Variants in RNF213 observed in about 807,000 individuals in gnomAD.
The protein encoded by RNF213 is ring finger protein 213, also known as E3 ubiquitin-protein ligase RNF213.
RNF213 carries 341 observed loss-of-function variants against 514.4 expected under a neutral mutation model. The observed-to-expected ratio is 0.66, with a 90% CI of 0.61 to 0.73. The LOEUF is 0.73. RNF213 is among the 30% of genes least tolerant of loss of function. The pLI, the probability that RNF213 is intolerant of heterozygous loss-of-function variation, is 0.00. For missense variants in RNF213, 5,767 were observed against 6,615.6 expected (o/e 0.87, Z 4.45); for synonymous variants, 2,655 against 2,658.2 (o/e 1.00, Z 0.04).
In RNF213 at chr17:80,287,989, C is replaced by T; in HGVS notation, c.436C>T (p.Gln146Ter). ...AGCCCAGCAGAGTGGCCCCACTGGC[C>T]AGCCGAGCCAGCCCCCAGGCACAGC... The part of the protein sequence containing the change: ...SQAQQSGPTG[Q>*]PSQPPGTATT... The change falls in exon 4 of 68, where the codon CAG becomes TAG. Residue 146 changes from glutamine to a stop codon, truncating the protein, a stop_gained. Transcript: ENST00000582970. LOFTEE classifies it high-confidence loss of function. The T allele has an allele frequency of 1.3e-6, 2 of 1,579,724 alleles. No individual in the cohort carries two copies. Among genetic ancestry groups the T allele is most frequent in the Non-Finnish European group, 1.7e-6 (2 of 1,163,624 alleles).
chr17:80,391,516 C>A (rs1025146349), intron 67 of RNF213, among the ~76,000 whole-genome samples: 3 of 152,072 alleles, frequency 2.0e-5, no homozygotes, highest in African/African-American at 7.2e-5. Context: ...AAGTGATTCA[C>A]AAGCTTTGGC....
Position 80,385,053 on chromosome 17 carries a change from G to C in RNF213, c.14337G>C (p.Arg4779Ser). ...CCCTTCTCCAGGAAGCAGAGCTGAG[G>C]CTGGTAAAGTTCCTGCCTGAGATTT... Reference protein sequence around the residue: ...WHFLQKEAELRLVKFLPEILA... With the variant: ...WHFLQKEAELSLVKFLPEILA... Residue 4779 changes from arginine (R) to serine (S), a missense_variant, in exon 60 of 68, where the codon AGG becomes AGC. Physicochemically the swap from Arg to Ser is moderately radical, Grantham distance 110. Transcript: ENST00000582970. 6.2e-7 allele frequency: 1 copy of C among 1,614,188 alleles called. No individual in the cohort carries two copies. The highest frequency in any genetic ancestry group is 8.5e-7 in the Non-Finnish European group (1 of 1,180,042).
At position 80,288,305 on chromosome 17, in the gene RNF213, C is replaced by G. The variant is rs1321693250; in HGVS notation, c.752C>G (p.Ser251Cys). Residue 251 changes from serine to cysteine, a missense_variant, in exon 4 of 68, where the codon TCT (serine) becomes TGT (cysteine). Physicochemically the swap from Ser to Cys is moderately radical, Grantham distance 112. Coordinates refer to ENST00000582970, the MANE Select transcript of RNF213 (RefSeq NM_001256071.3). This position sits in a 1 kb window ranked among gnomAD's most constrained non-coding sequence, Gnocchi z 4.9. ...TTGCCTGAGTCAAAAGGAGGCAGCT[C>G]TGAGCCCGGGACAGAACTGCAGACC... is the stretch of plus-strand genomic sequence containing the variant. ...LLLPESKGGS[S>C]EPGTELQTTE... 2 of 1,613,078 alleles carry G rather than the reference C, an allele frequency of 1.2e-6. No individual in the cohort carries two copies. The highest frequency in any genetic ancestry group is 3.3e-5 in the Admixed American group (2 of 60,022).
At chr17:80,307,283 C>G in intron 13 of RNF213, 82 bp downstream of exon 13, 1 of 1,187,702 alleles carries the variant, frequency 8.4e-7, no homozygotes, top group Non-Finnish European at 1.3e-6. Flanking sequence ...GGCCGTGACC[C>G]ACATGTGCTG....
Position 80,364,425 on chromosome 17 carries a change from T to C in RNF213, c.11751-8T>C, listed in dbSNP as rs776498192. The C allele has an allele frequency of 1.4e-5, 23 of 1,613,906 alleles. No homozygotes were observed. Among genetic ancestry groups the C allele is most frequent in the Non-Finnish European group, 1.9e-5 (22 of 1,179,978 alleles). On this transcript the variant is annotated splice_polypyrimidine_tract_variant and splice_region_variant and intron_variant, in intron 41 of 67. Transcript: ENST00000582970. The stretch of plus-strand genomic sequence containing the variant: ...AGTGAGTGAGTGAGTGGCGCCCTCT[T>C]TTGACAGAGCCCAGTGGAGTCGGAT...
rs145017985 is a variant in RNF213 at position 80,288,739 on chromosome 17, T to C, written c.917T>C (p.Phe306Ser). The stretch of plus-strand genomic sequence containing the variant: ...CAGCCACCAGCAACCACTCCTCCTT[T>C]CAAAACACACTGCCAGGTGCGTCTC... ...MKQPPATTPP[F>S]KTHCQEAETK... Residue 306 changes from phenylalanine (F) to serine (S), a missense_variant, in exon 5 of 68, where the codon TTC becomes TCC. Physicochemically the swap from Phe to Ser is radical, Grantham distance 155. Transcript: ENST00000582970. This position sits in a 1 kb window ranked among gnomAD's most constrained non-coding sequence, Gnocchi z 4.9. The C allele has an allele frequency of 6.0e-4, 965 of 1,614,104 alleles. 1 individual carries two copies. Among genetic ancestry groups the C allele is most frequent in the Non-Finnish European group, 5.4e-4 (641 of 1,180,020 alleles).
intron 42 of RNF213, 72 bp from the exon 43 acceptor site, chr17:80,367,676 C>A (rs2079332283): frequency 5.1e-6 from 6 of 1,180,224 alleles, no homozygotes; most frequent in East Asian, 2.3e-5. Flanking sequence ...ATGTGGTGCT[C>A]CCTCTGTCGC....
chr17:80,281,338 C>CA (rs1568006065), intron 3 of RNF213, among the ~76,000 whole-genome samples: 1 of 56,502 alleles, frequency 1.8e-5, no homozygotes. Context: ...ACACACGCCC[C>CA]CACACACACA....
At chr17:80,322,743 CT>C (rs1201929026) in intron 17 of RNF213, among the ~76,000 whole-genome samples, 1 of 151,982 alleles carries the variant, frequency 6.6e-6, no homozygotes, top group Admixed American at 6.6e-5. Context: ...ATTGGGTTGT[CT>C]TTTTATTATA....
chr17:80,356,674 C>T (rs1318298242), intron 36 of RNF213, among the ~76,000 whole-genome samples: 3 of 152,240 alleles, frequency 2.0e-5, no homozygotes, highest in South Asian at 2.1e-4. Context: ...GAACCAGGCT[C>T]GGCGGCTCCC....
At position 80,320,046 on chromosome 17, in the gene RNF213, C is replaced by T. The variant is rs551333627; in HGVS notation, c.3024+734C>T. ...GTTGAGATATTGTTCGTATGCCATA[C>T]GGTACATCTGTCAAAAGTTCCAGTT... On this transcript the variant is annotated intron_variant, in intron 17 of 67. Transcript: ENST00000582970. 179 of 1,006,150 alleles carry T rather than the reference C, an allele frequency of 1.8e-4. 1 individual carries two copies. In the South Asian group the frequency reaches 5.4e-3, roughly 30 times the overall value. 62.3% of individuals were successfully genotyped at this position (1,006,150 alleles called of 1,614,324 possible). A position where few individuals can be genotyped will look rare whatever the true frequency, so the allele number is the denominator to read the frequency against.
rs144609836 is a variant in RNF213, at chr17:80,397,464, G to C, written c.*3966G>C. The C allele has an allele frequency of 6.6e-6, 1 of 152,060 alleles. No homozygotes were observed. The highest frequency in any genetic ancestry group is 1.5e-5 in the Non-Finnish European group (1 of 68,028). The allele number at this position is 152,060 out of a possible 1,614,324, so 9.4% of individuals were successfully genotyped here. A position where few individuals can be genotyped will look rare whatever the true frequency, so the allele number is the denominator to read the frequency against. On this transcript the variant is annotated 3_prime_UTR_variant, in exon 68 of 68. Coordinates refer to ENST00000582970, the MANE Select transcript of RNF213 (RefSeq NM_001256071.3). Reference sequence around the variant, plus strand: ...ACCCTGGGCCTGGTAGTTAAAGATCGACGCCTGACCTAATCAGTGATGCTA... The same window carrying C: ...ACCCTGGGCCTGGTAGTTAAAGATCCACGCCTGACCTAATCAGTGATGCTA...
Position 80,353,749 on chromosome 17 carries a change from C to A in RNF213, c.10578+83C>A. 6.3e-7 allele frequency: 1 copy of A among 1,575,272 alleles called. No individual in the cohort carries two copies. The highest frequency in any genetic ancestry group is 8.7e-7 in the Non-Finnish European group (1 of 1,145,618). On this transcript the variant is annotated intron_variant, in intron 34 of 67. Coordinates refer to ENST00000582970, the MANE Select transcript of RNF213 (RefSeq NM_001256071.3). The surrounding 1 kb of genome is among the most constrained non-coding windows in gnomAD (Gnocchi z 5.0). ...TCTTTAAACGCTTTTGCATTGGGAG[C>A]TAGAGGAGTCGCCGCCGCTGTGCAG...
intron 31 of RNF213, among the ~76,000 whole-genome samples, chr17:80,350,679 G>T (rs2078477403): frequency 6.6e-6 from 1 of 152,152 alleles, no homozygotes; most frequent in African/African-American, 2.4e-5. Context: ...TGCACCTCTA[G>T]TCCCAGCTGC....
chr17:80,264,058 G>A lies in RNF213; in HGVS notation c.97+280G>A, dbSNP rs934307854. The stretch of plus-strand genomic sequence containing the variant: ...AGGCCCGGCCTGAGTGAGCCCACCC[G>A]AGTGGGAGGAGAGGGCAGGGCCAGG... On this transcript the variant is annotated intron_variant, in intron 2 of 67. Coordinates refer to ENST00000582970, the MANE Select transcript of RNF213 (RefSeq NM_001256071.3). The surrounding 1 kb of genome is among the most constrained non-coding windows in gnomAD (Gnocchi z 5.0). Among the ~76,000 whole-genome samples, 5 of 152,302 alleles carry A rather than the reference G, an allele frequency of 3.3e-5. No homozygotes were observed. Among genetic ancestry groups the A allele is most frequent in the South Asian group, 2.1e-4 (1 of 4,820 alleles).
chr17:80,289,270 G>T (rs2044593897), intron 5 of RNF213, among the ~76,000 whole-genome samples: 3 of 152,208 alleles, frequency 2.0e-5, no homozygotes, highest in Admixed American at 2.0e-4. Context: ...TCTGGCCGCT[G>T]TAAGAAGCAT....
intron 22 of RNF213, among the ~76,000 whole-genome samples, chr17:80,335,044 C>A (rs912762987): frequency 1.3e-5 from 2 of 151,684 alleles, no homozygotes; most frequent in Non-Finnish European, 2.9e-5. Flanking sequence ...GTCTCAGTCT[C>A]CTGAGTAGCT....
rs937762613 is a variant in RNF213, at chr17:80,397,328, T to G, written c.*3830T>G. 2 of 152,094 alleles carry G rather than the reference T, an allele frequency of 1.3e-5. No homozygotes were observed. Among genetic ancestry groups the G allele is most frequent in the Non-Finnish European group, 2.9e-5 (2 of 68,034 alleles). 9.4% of individuals were successfully genotyped at this position (152,094 alleles called of 1,614,324 possible). On this transcript the variant is annotated 3_prime_UTR_variant, in exon 68 of 68. Transcript: ENST00000582970. Reference sequence around the variant, plus strand: ...TCTGTGAAATATCTGTCAGTGCTCTTAAGGGAGGAGACCACCCCACATATT... The same window carrying G: ...TCTGTGAAATATCTGTCAGTGCTCTGAAGGGAGGAGACCACCCCACATATT...
chr17:80,275,387 G>T (rs2077846978), intron 3 of RNF213, among the ~76,000 whole-genome samples: 1 of 152,042 alleles, frequency 6.6e-6, no homozygotes, highest in South Asian at 2.1e-4. Flanking sequence ...AACATTGAAG[G>T]CAAATGAATA....
Sources: allele counts gnomAD v4.1 joint callset (sites outside exome capture counted in the v4.1 genomes callset), GRCh38; gene constraint gnomAD v4.1.1; non-coding constraint Gnocchi (gnomAD v3.1); transcripts MANE v1.5; gene names NCBI Gene and HGNC (gene_info 2026-07-23, HGNC 2026-07-21).